Variants in GAS2L3 observed in about 807,000 individuals in gnomAD.
GAS2L3 encodes the protein growth arrest specific 2 like 3, also known as GAS2-like protein 3.
GAS2L3 carries 28 observed loss-of-function variants against 37.0 expected under a neutral mutation model. The ratio of observed to expected loss-of-function variants is 0.76; its 90% CI spans 0.56 to 1.04. GAS2L3 has a LOEUF of 1.04. Among genes scored for constraint, GAS2L3 ranks in the 50% least tolerant of loss-of-function variants. GAS2L3 has a pLI of 0.00. For missense variants in GAS2L3, 793 were observed against 817.6 expected, an observed-to-expected ratio of 0.97 and a Z score of 0.37; for synonymous variants, 290 against 296.6, an observed-to-expected ratio of 0.98 and a Z score of 0.23.
chr12:100,582,330 A>G (rs1955723814), intron 1 of GAS2L3, among the ~76,000 whole-genome samples: 1 of 152,214 alleles, frequency 6.6e-6, no homozygotes, highest in African/African-American at 2.4e-5. Flanking sequence ...ACAATGGTGG[A>G]ATGTCATCAG....
intron 1 of GAS2L3, among the ~76,000 whole-genome samples, chr12:100,587,288 A>G (rs963451810): frequency 2.0e-5 from 3 of 152,234 alleles, no homozygotes; most frequent in Non-Finnish European, 4.4e-5. Flanking sequence ...AGAAAACTAC[A>G]GACCAATATC....
At chr12:100,583,781 C>A (rs1955744094) in intron 1 of GAS2L3, among the ~76,000 whole-genome samples, 1 of 151,974 alleles carries the variant, frequency 6.6e-6, no homozygotes, top group African/African-American at 2.4e-5. Flanking sequence ...CATTTTTTTT[C>A]CTAGTAATTC....
In GAS2L3 at chr12:100,618,572, A is replaced by G. The variant is rs1325169946; in HGVS notation, c.633A>G (p.Glu211=). ...TTCCAAAATCATGCTGTCGGCATGA[A>G]GAGCTACATGAAGCTGTAAGTAGTT... The part of the protein sequence containing the change: ...ISIPKSCCRH[E]ELHEAVKHIA... The change falls in exon 8 of 10, where the codon GAA becomes GAG. Residue 211 remains glutamate (E), a synonymous_variant. Transcript: ENST00000547754. 3.7e-6 allele frequency: 6 copies of G among 1,611,078 alleles called. No individual in the cohort carries two copies. The highest frequency in any genetic ancestry group is 5.1e-6 in the Non-Finnish European group (6 of 1,178,932).
At chr12:100,618,684 C>A in intron 8 of GAS2L3, 97 bp downstream of exon 8, 1 of 1,097,602 alleles carries the variant, frequency 9.1e-7, no homozygotes, top group Non-Finnish European at 1.3e-6. Flanking sequence ...TTTTTAAAAG[C>A]AAGTGTTTCT....
intron 6 of GAS2L3, among the ~76,000 whole-genome samples, chr12:100,617,238 A>G (rs1446433141): frequency 2.0e-5 from 3 of 152,142 alleles, no homozygotes; most frequent in Non-Finnish European, 1.5e-5. Context: ...TTTTGTATCT[A>G]TATTCATAAG....
At chr12:100,593,692 C>G (rs1389299359) in intron 2 of GAS2L3, 1 of 152,040 alleles carries the variant, frequency 6.6e-6, no homozygotes, top group Non-Finnish European at 1.5e-5. Context: ...CTTCTTACTT[C>G]CGAGAAGTGG....
At chr12:100,611,901 A>G in intron 5 of GAS2L3, 99 bp from the exon 6 acceptor site, 1 of 781,262 alleles carries the variant, frequency 1.3e-6, no homozygotes, top group South Asian at 1.7e-5. Context: ...CTTTTTGGTT[A>G]CAGGTGATGG....
chr12:100,588,328 G>C lies in GAS2L3; in HGVS notation c.-151-3408G>C, dbSNP rs11534826. 3.3e-5 allele frequency among the ~76,000 whole-genome samples: 5 copies of C among 152,054 alleles called. 1 individual carries two copies. In the South Asian group the frequency reaches 1.0e-3, roughly 32 times the overall value. ...GCTGCCAGGGGTGACATCACATATCGGTAGGCCTGTGATGCCCTCCTGAGT... is the reference window on the plus strand; with the variant it reads ...GCTGCCAGGGGTGACATCACATATCCGTAGGCCTGTGATGCCCTCCTGAGT... On this transcript the variant is annotated intron_variant, in intron 1 of 9. Coordinates refer to ENST00000547754, the MANE Select transcript of GAS2L3 (RefSeq NM_174942.3).
chr12:100,618,071 G>A (rs1956209310), intron 7 of GAS2L3, among the ~76,000 whole-genome samples: 6 of 152,140 alleles, frequency 3.9e-5, no homozygotes, highest in South Asian at 2.1e-4. Context: ...TAGGGTAAGA[G>A]CATGCAGTCT....
At chr12:100,616,274 A>T (rs1177167277) in intron 6 of GAS2L3, among the ~76,000 whole-genome samples, 1 of 152,020 alleles carries the variant, frequency 6.6e-6, no homozygotes. Flanking sequence ...TCATTTTCAG[A>T]CTGTTCATTT....
At position 100,579,320 on chromosome 12, in the gene GAS2L3, G is replaced by A. The variant is rs56147272; in HGVS notation, c.-152+5535G>A. The A allele has an allele frequency of 1.2e-3, 766 of 657,018 alleles. 7 individuals are homozygous for A. In the African/African-American group the frequency reaches 0.012, roughly 10 times the overall value. The allele number at this position is 657,018 out of a possible 1,614,324, so 40.7% of individuals were successfully genotyped here. A position where few individuals can be genotyped will look rare whatever the true frequency, so the allele number is the denominator to read the frequency against. On this transcript the variant is annotated intron_variant, in intron 1 of 9. Coordinates refer to ENST00000547754, the MANE Select transcript of GAS2L3 (RefSeq NM_174942.3). Reference sequence around the variant, plus strand: ...TTCTTATACTAGTAAGGAAAATACCGTACTACGAGCGGCACTGATTACTGA... The same window carrying A: ...TTCTTATACTAGTAAGGAAAATACCATACTACGAGCGGCACTGATTACTGA...
chr12:100,575,894 A>G (rs1955630810), intron 1 of GAS2L3, among the ~76,000 whole-genome samples: 2 of 152,122 alleles, frequency 1.3e-5, no homozygotes, highest in African/African-American at 4.8e-5. Context: ...TATATTCCTA[A>G]CATTAAGTAA....
In GAS2L3 at chr12:100,626,093, C is replaced by A. The variant is rs1956329985; in HGVS notation, c.*1203C>A. 1 of 152,050 alleles carries A rather than the reference C, an allele frequency of 6.6e-6. No homozygotes were observed. The highest frequency in any genetic ancestry group is 1.5e-5 in the Non-Finnish European group (1 of 68,016). The allele number at this position is 152,050 out of a possible 1,614,324, so 9.4% of individuals were successfully genotyped here. ...ATAATTTATTTTTAAGGGATGGTGA[C>A]TTTAAAAATTATTAATGAACTTTGA... is the stretch of plus-strand genomic sequence containing the variant. On this transcript the variant is annotated 3_prime_UTR_variant, in exon 10 of 10. Coordinates refer to ENST00000547754, the MANE Select transcript of GAS2L3 (RefSeq NM_174942.3).
Position 100,625,174 on chromosome 12 carries a change from A to C in GAS2L3, c.*284A>C, listed in dbSNP as rs1198322224. 6 of 244,344 alleles carry C rather than the reference A, an allele frequency of 2.5e-5. No individual in the cohort carries two copies. The highest frequency in any genetic ancestry group is 4.0e-5 in the Non-Finnish European group (5 of 126,168). The allele number at this position is 244,344 out of a possible 1,614,324, so 15.1% of individuals were successfully genotyped here. A position where few individuals can be genotyped will look rare whatever the true frequency, so the allele number is the denominator to read the frequency against. On this transcript the variant is annotated 3_prime_UTR_variant, in exon 10 of 10. Coordinates refer to ENST00000547754, the MANE Select transcript of GAS2L3 (RefSeq NM_174942.3). The stretch of plus-strand genomic sequence containing the variant: ...ATCTTTGTTAACATCTGCCTTTTGC[A>C]GGAAATGTAAAAGTTATTTAACACT...
rs182970976 is a variant in GAS2L3, at chr12:100,627,103, A to G, written c.*2213A>G. Reference sequence around the variant, plus strand: ...GACTCTGTCTCAAAAAAAAAAAAAAAGAAAAAGAAAAGAAAAAGGTTTATT... The same window carrying G: ...GACTCTGTCTCAAAAAAAAAAAAAAGGAAAAAGAAAAGAAAAAGGTTTATT... On this transcript the variant is annotated 3_prime_UTR_variant, in exon 10 of 10. Coordinates refer to ENST00000547754, the MANE Select transcript of GAS2L3 (RefSeq NM_174942.3). Among the ~76,000 whole-genome samples the G allele has an allele frequency of 0.018, 2,748 of 150,220 alleles. 94 individuals carry two copies. Among genetic ancestry groups the G allele is most frequent in the African/African-American group, 0.064 (2,598 of 40,792 alleles).
chr12:100,597,907 A>C (rs549813348), intron 3 of GAS2L3, among the ~76,000 whole-genome samples: 1 of 152,218 alleles, frequency 6.6e-6, no homozygotes, highest in East Asian at 1.9e-4. Context: ...AAAATCAAGA[A>C]AGGACTAGAT....
chr12:100,613,519 A>T (rs967439797), intron 6 of GAS2L3, among the ~76,000 whole-genome samples: 1 of 152,116 alleles, frequency 6.6e-6, no homozygotes, highest in Non-Finnish European at 1.5e-5. Flanking sequence ...GGCTTTTTAT[A>T]GCTTTGAAAG....
chr12:100,621,122 T>A (rs980645323), intron 8 of GAS2L3, among the ~76,000 whole-genome samples: 10 of 152,142 alleles, frequency 6.6e-5, no homozygotes, highest in Non-Finnish European at 1.3e-4. Context: ...ATCATATAAA[T>A]TTCTATTGGT....
intron 5 of GAS2L3, among the ~76,000 whole-genome samples, chr12:100,607,518 A>ATC (rs369036034): frequency 7.3e-5 from 11 of 150,386 alleles, no homozygotes; most frequent in East Asian, 1.9e-4. Context: ...TTCTATCCCC[A>ATC]TCTCTCTCTC....
Sources: allele counts gnomAD v4.1 joint callset (sites outside exome capture counted in the v4.1 genomes callset), GRCh38; gene constraint gnomAD v4.1.1; transcripts MANE v1.5; gene names NCBI Gene and HGNC (gene_info 2026-07-23, HGNC 2026-07-21).